Variants in UNCX observed in about 807,000 individuals in gnomAD.
UNCX encodes the protein homeobox protein unc-4 homolog.
Under a neutral mutation model 14.8 loss-of-function variants are expected in UNCX, and 4 were observed. That is an observed-to-expected ratio of 0.27 (90% CI 0.13 to 0.62). The LOEUF is 0.62. UNCX is among the 20% of genes least tolerant of loss of function. UNCX has a pLI of 0.86. For synonymous variants in UNCX, 459 were observed against 395.8 expected, an observed-to-expected ratio of 1.16 and a Z score of -1.90; for missense variants, 749 against 786.8, an observed-to-expected ratio of 0.95 and a Z score of 0.58.
rs1217212746 is a variant in UNCX at position 1,236,183 on chromosome 7, G to A, written c.802G>A (p.Ala268Thr). The A allele has an allele frequency of 2.0e-5, 25 of 1,255,394 alleles. No homozygotes were observed. The East Asian group carries it at 2.4e-4, about 12-fold the overall frequency. 77.8% of individuals were successfully genotyped at this position (1,255,394 alleles called of 1,614,324 possible). The change falls in exon 3 of 3, where the codon GCG becomes ACG. Residue 268 changes from alanine (A) to threonine (T), a missense_variant. By Grantham distance (58) the Ala-to-Thr change is moderately conservative. Around this residue, in one of 3 missense-constraint regions of UNCX, gnomAD observed 552 missense variants for 507.2 expected, o/e 1.09. Transcript: ENST00000316333. The surrounding 1 kb of genome is among the most constrained non-coding windows in gnomAD (Gnocchi z 6.9). Reference sequence around the variant, plus strand: ...GCACGCCTCGGGCGCCGCGGGGACCGCGCCCGCCCCTCCCGGCGAGCCGCC... The same window carrying A: ...GCACGCCTCGGGCGCCGCGGGGACCACGCCCGCCCCTCCCGGCGAGCCGCC... ...GAHASGAAGT[A>T]PAPPGEPPAP...
At chr7:1,234,109 C>G (rs74905287) in intron 2 of UNCX, among the ~76,000 whole-genome samples, 20 of 151,514 alleles carry the variant, frequency 1.3e-4, no homozygotes, top group African/African-American at 4.8e-4. Flanking sequence ...CTCAACCTTC[C>G]GCGCGAGGCT....
chr7:1,233,733 AC>A lies in UNCX; in HGVS notation c.450+42del. ...CGTCGCTCCCGGATCTGCCATCCGG[AC>A]CCCAGGCTCTGGGCGCGCCGGGACG... On this transcript the variant is annotated intron_variant, in intron 2 of 2. Coordinates refer to ENST00000316333, the MANE Select transcript of UNCX (RefSeq NM_001080461.3). This position sits in a 1 kb window ranked among gnomAD's most constrained non-coding sequence, Gnocchi z 5.3. 2.6e-6 allele frequency: 4 copies of A among 1,564,720 alleles called. No individual in the cohort carries two copies. The highest frequency in any genetic ancestry group is 2.6e-6 in the Non-Finnish European group (3 of 1,151,106).
At chr7:1,234,157 TG>T (rs1436468504) in intron 2 of UNCX, among the ~76,000 whole-genome samples, 1 of 151,972 alleles carries the variant, frequency 6.6e-6, no homozygotes, top group East Asian at 1.9e-4. Flanking sequence ...CTGTTTACCT[TG>T]CGCCTGCAAA....
chr7:1,235,028 G>T (rs915391890), intron 2 of UNCX, among the ~76,000 whole-genome samples: 9 of 152,198 alleles, frequency 5.9e-5, no homozygotes, highest in African/African-American at 2.2e-4. Flanking sequence ...TGCCGTCCCC[G>T]GATGTCCTGT....
Position 1,233,089 on chromosome 7 carries a change from C to A in UNCX, c.72C>A (p.Phe24Leu). ...GCTCGCTGGGCGGCGTGGTGGGCTT[C>A]CCCTACCCGCTGGGCCACCACCACG... is the stretch of plus-strand genomic sequence containing the variant. ...FGGSLGGVVG[F>L]PYPLGHHHVY... The change falls in exon 1 of 3, where the codon TTC becomes TTA. Residue 24 changes from phenylalanine (F) to leucine (L), a missense_variant. Physicochemically the swap from Phe to Leu is conservative, Grantham distance 22. This residue lies in a region of UNCX where 155 missense variants were observed against 166.7 expected (regional missense o/e 0.93). Coordinates refer to ENST00000316333, the MANE Select transcript of UNCX (RefSeq NM_001080461.3). The surrounding 1 kb of genome is among the most constrained non-coding windows in gnomAD (Gnocchi z 5.3). 1 of 1,454,618 alleles carries A rather than the reference C, an allele frequency of 6.9e-7. No individual in the cohort carries two copies. Among genetic ancestry groups the A allele is most frequent in the Admixed American group, 2.4e-5 (1 of 41,024 alleles). The allele number at this position is 1,454,618 out of a possible 1,614,324, so 90.1% of individuals were successfully genotyped here. A position where few individuals can be genotyped will look rare whatever the true frequency, so the allele number is the denominator to read the frequency against.
rs1463324451 is a variant in UNCX, at chr7:1,233,461, G to A, written c.275-59G>A. The A allele has an allele frequency of 1.5e-5, 22 of 1,464,644 alleles. No individual in the cohort carries two copies. Among genetic ancestry groups the A allele is most frequent in the Non-Finnish European group, 1.9e-5 (21 of 1,109,730 alleles). 90.7% of individuals were successfully genotyped at this position (1,464,644 alleles called of 1,614,324 possible). A position where few individuals can be genotyped will look rare whatever the true frequency, so the allele number is the denominator to read the frequency against. ...CGGCCAGCGGGTAGCGGGAGGGAGG[G>A]GTGGGGGTCGGGCCTGGGCCGGTGG... On this transcript the variant is annotated intron_variant, in intron 1 of 2. Coordinates refer to ENST00000316333, the MANE Select transcript of UNCX (RefSeq NM_001080461.3). This position sits in a 1 kb window ranked among gnomAD's most constrained non-coding sequence, Gnocchi z 5.3.
Position 1,237,129 on chromosome 7 carries a change from C to A in UNCX, c.*152C>A. On this transcript the variant is annotated 3_prime_UTR_variant, in exon 3 of 3. Coordinates refer to ENST00000316333, the MANE Select transcript of UNCX (RefSeq NM_001080461.3). The surrounding 1 kb of genome is among the most constrained non-coding windows in gnomAD (Gnocchi z 5.8). The stretch of plus-strand genomic sequence containing the variant: ...TTTTATTATTTTTTTTAAGAGTAAA[C>A]GAAAGTGCTGTATGAATTCGGACCC... The A allele has an allele frequency of 1.4e-6, 1 of 735,448 alleles. No homozygotes were observed. The allele number at this position is 735,448 out of a possible 1,614,324, so 45.6% of individuals were successfully genotyped here.
In UNCX at chr7:1,233,171, T is replaced by C; in HGVS notation, c.154T>C (p.Phe52Leu). The C allele has an allele frequency of 2.1e-6, 3 of 1,461,554 alleles. No homozygotes were observed. The highest frequency in any genetic ancestry group is 2.7e-6 in the Non-Finnish European group (3 of 1,110,900). The allele number at this position is 1,461,554 out of a possible 1,614,324, so 90.5% of individuals were successfully genotyped here. ...QSAAAAASVP[F>L]SIDGLLGGSC... Reference sequence around the variant, plus strand: ...GGCCGCCGCCGCCGCCTCGGTGCCCTTCTCCATCGACGGCCTGCTCGGGGG... The same window carrying C: ...GGCCGCCGCCGCCGCCTCGGTGCCCCTCTCCATCGACGGCCTGCTCGGGGG... Residue 52 changes from phenylalanine to leucine, a missense_variant, in exon 1 of 3, where the codon TTC (phenylalanine) becomes CTC (leucine). By Grantham distance (22) the Phe-to-Leu change is conservative (BLOSUM62 0). Transcript: ENST00000316333. The surrounding 1 kb of genome is among the most constrained non-coding windows in gnomAD (Gnocchi z 5.3).
At chr7:1,235,129 C>T (rs924089577) in intron 2 of UNCX, among the ~76,000 whole-genome samples, 2 of 152,120 alleles carry the variant, frequency 1.3e-5, no homozygotes, top group African/African-American at 4.8e-5. Flanking sequence ...CTCTTGCCTC[C>T]CCACCTGCCT....
Position 1,237,119 on chromosome 7 carries a change from T to G in UNCX, c.*142T>G. The G allele has an allele frequency of 1.2e-6, 1 of 842,294 alleles. No homozygotes were observed. The highest frequency in any genetic ancestry group is 1.5e-6 in the Non-Finnish European group (1 of 684,254). The allele number at this position is 842,294 out of a possible 1,614,324, so 52.2% of individuals were successfully genotyped here. On this transcript the variant is annotated 3_prime_UTR_variant, in exon 3 of 3. Transcript: ENST00000316333. This position sits in a 1 kb window ranked among gnomAD's most constrained non-coding sequence, Gnocchi z 5.8. ...GTTTTCTTTCTTTTATTATTTTTTT[T>G]AAGAGTAAACGAAAGTGCTGTATGA...
At chr7:1,234,438 T>G (rs1236124108) in intron 2 of UNCX, among the ~76,000 whole-genome samples, 1 of 152,026 alleles carries the variant, frequency 6.6e-6, no homozygotes, top group Non-Finnish European at 1.5e-5. Flanking sequence ...CATAATTAAA[T>G]GTTTCCCTGG....
Position 1,236,824 on chromosome 7 carries a change from C to T in UNCX, c.1443C>T (p.Thr481=). 3 of 987,078 alleles carry T rather than the reference C, an allele frequency of 3.0e-6. No individual in the cohort carries two copies. The highest frequency in any genetic ancestry group is 4.5e-5 in the South Asian group (1 of 22,076). 61.1% of individuals were successfully genotyped at this position (987,078 alleles called of 1,614,324 possible). ...GCGGGGACTGCGCGGACGCGGGGAC[C>T]GCCGGCCCCGCGCCCCCGCCGCCCG... is the stretch of plus-strand genomic sequence containing the variant. The part of the protein sequence containing the change: ...GGGGDCADAG[T]AGPAPPPPAP... Residue 481 remains threonine (T), a synonymous_variant, in exon 3 of 3, where the codon ACC becomes ACT. Coordinates refer to ENST00000316333, the MANE Select transcript of UNCX (RefSeq NM_001080461.3). This position sits in a 1 kb window ranked among gnomAD's most constrained non-coding sequence, Gnocchi z 6.9.
chr7:1,236,954 GGC>G lies in UNCX; in HGVS notation c.1575_1576del (p.Glu526GlyfsTer36). 1 of 1,199,350 alleles carries G rather than the reference GGC, an allele frequency of 8.3e-7. No individual in the cohort carries two copies. 74.3% of individuals were successfully genotyped at this position (1,199,350 alleles called of 1,614,324 possible). On this transcript the variant is annotated frameshift_variant, in exon 3 of 3. Coordinates refer to ENST00000316333, the MANE Select transcript of UNCX (RefSeq NM_001080461.3). LOFTEE classifies it high-confidence loss of function. This position sits in a 1 kb window ranked among gnomAD's most constrained non-coding sequence, Gnocchi z 6.9. ...GAAAGPSPPEGEELDMD is the reference protein window; with the variant it reads ...GAAAGPSPPEXEELDMD ...GGCGGCCGGACCCAGCCCGCCGGAG[GGC>G]GAGGAGCTGGACATGGACTGAGGCC... is the stretch of plus-strand genomic sequence containing the variant.
In UNCX at chr7:1,235,871, G is replaced by C; in HGVS notation, c.490G>C (p.Glu164Gln). The C allele has an allele frequency of 6.2e-7, 1 of 1,612,106 alleles. No individual in the cohort carries two copies. Among genetic ancestry groups the C allele is most frequent in the Non-Finnish European group, 8.5e-7 (1 of 1,179,660 alleles). Reference protein sequence around the residue: ...QNRRAKWRKKENTKKGPGRPA... With the variant: ...QNRRAKWRKKQNTKKGPGRPA... The stretch of plus-strand genomic sequence containing the variant: ...CCGCCGGGCCAAGTGGAGGAAGAAG[G>C]AGAACACGAAAAAGGGCCCGGGGCG... Residue 164 changes from glutamate to glutamine, a missense_variant, in exon 3 of 3, where the codon GAG becomes CAG. By Grantham distance (29) the Glu-to-Gln change is conservative. This residue lies in a region of UNCX where 42 missense variants were observed against 112.9 expected (regional missense o/e 0.37). Transcript: ENST00000316333.
At chr7:1,234,988 G>C (rs911556489) in intron 2 of UNCX, among the ~76,000 whole-genome samples, 1 of 152,194 alleles carries the variant, frequency 6.6e-6, no homozygotes, top group Non-Finnish European at 1.5e-5. Flanking sequence ...TGTGTGTTTG[G>C]TGGCTGGCGG....
chr7:1,233,735 C>G lies in UNCX; in HGVS notation c.450+40C>G. 1 of 1,565,478 alleles carries G rather than the reference C, an allele frequency of 6.4e-7. No homozygotes were observed. Among genetic ancestry groups the G allele is most frequent in the Middle Eastern group, 1.8e-4 (1 of 5,674 alleles). ...TCGCTCCCGGATCTGCCATCCGGAC[C>G]CCAGGCTCTGGGCGCGCCGGGACGC... is the stretch of plus-strand genomic sequence containing the variant. On this transcript the variant is annotated intron_variant, in intron 2 of 2. Coordinates refer to ENST00000316333, the MANE Select transcript of UNCX (RefSeq NM_001080461.3). This position sits in a 1 kb window ranked among gnomAD's most constrained non-coding sequence, Gnocchi z 5.3.
chr7:1,236,245 C>T lies in UNCX; in HGVS notation c.864C>T (p.Ser288=). 2 of 1,372,874 alleles carry T rather than the reference C, an allele frequency of 1.5e-6. No individual in the cohort carries two copies. The highest frequency in any genetic ancestry group is 2.7e-5 in the South Asian group (2 of 73,350). The allele number at this position is 1,372,874 out of a possible 1,614,324, so 85.0% of individuals were successfully genotyped here. A position where few individuals can be genotyped will look rare whatever the true frequency, so the allele number is the denominator to read the frequency against. The change falls in exon 3 of 3, where the codon AGC becomes AGT. Residue 288 remains serine (S), a synonymous_variant. Transcript: ENST00000316333. The surrounding 1 kb of genome is among the most constrained non-coding windows in gnomAD (Gnocchi z 6.9). The part of the protein sequence containing the change: ...PGTCDPAFYP[S]QRSGAGPQPR... The stretch of plus-strand genomic sequence containing the variant: ...CCTGCGACCCCGCCTTCTACCCGAG[C>T]CAAAGAAGCGGCGCCGGCCCACAGC...
chr7:1,233,174 T>G lies in UNCX; in HGVS notation c.157T>G (p.Ser53Ala), dbSNP rs1451612595. The change falls in exon 1 of 3, where the codon TCC (serine) becomes GCC (alanine). Residue 53 changes from serine to alanine, a missense_variant. Physicochemically the swap from Ser to Ala is moderately conservative, Grantham distance 99. Transcript: ENST00000316333. This position sits in a 1 kb window ranked among gnomAD's most constrained non-coding sequence, Gnocchi z 5.3. ...SAAAAASVPFSIDGLLGGSCA... is the reference protein window; with the variant it reads ...SAAAAASVPFAIDGLLGGSCA... ...CGCCGCCGCCGCCTCGGTGCCCTTC[T>G]CCATCGACGGCCTGCTCGGGGGCTC... is the stretch of plus-strand genomic sequence containing the variant. 11 of 1,459,984 alleles carry G rather than the reference T, an allele frequency of 7.5e-6. No homozygotes were observed. Among genetic ancestry groups the G allele is most frequent in the Non-Finnish European group, 9.0e-6 (10 of 1,110,130 alleles). The allele number at this position is 1,459,984 out of a possible 1,614,324, so 90.4% of individuals were successfully genotyped here.
intron 2 of UNCX, among the ~76,000 whole-genome samples, chr7:1,234,895 G>C (rs544655756): frequency 2.0e-4 from 30 of 152,206 alleles, no homozygotes; most frequent in African/African-American, 7.0e-4. Context: ...CTGTGTGGCC[G>C]CGACAAAGAA....
Sources: allele counts gnomAD v4.1 joint callset (sites outside exome capture counted in the v4.1 genomes callset), GRCh38; gene constraint gnomAD v4.1.1; regional missense constraint gnomAD v4.1.1; non-coding constraint Gnocchi (gnomAD v3.1); transcripts MANE v1.5; gene names NCBI Gene and HGNC (gene_info 2026-07-23, HGNC 2026-07-21).